Variants in BCAS4 observed in about 807,000 individuals in gnomAD.
BCAS4 encodes the protein breast carcinoma-amplified sequence 4.
A neutral mutation model predicts 15.7 loss-of-function variants in BCAS4; 9 were observed. That is an observed-to-expected ratio of 0.57 (90% CI 0.34 to 1.00). The LOEUF (loss-of-function observed/expected upper bound fraction) is 1.00. BCAS4 is among the 50% of genes least tolerant of loss of function. The pLI is 0.02. For synonymous variants in BCAS4, 101 were observed against 99.5 expected (o/e 1.02, Z -0.09); for missense variants, 225 against 239.1 (o/e 0.94, Z 0.39).
intron 1 of BCAS4, among the ~76,000 whole-genome samples, chr20:50,812,377 C>T (rs1337879095): frequency 8.3e-6 from 1 of 120,954 alleles, no homozygotes; most frequent in Non-Finnish European, 1.7e-5. Context: ...TTGTGATCCG[C>T]CCCCCCTTGG....
rs185569472 is a variant in BCAS4, at chr20:50,828,037, T to A, written c.163-2242T>A. Reference sequence around the variant, plus strand: ...GCCACTGTGCCCGGCCTTCAAAAATTTTTTTTTTTTTTCAAAATATGAGAT... The same window carrying A: ...GCCACTGTGCCCGGCCTTCAAAAATATTTTTTTTTTTTCAAAATATGAGAT... On this transcript the variant is annotated intron_variant, in intron 2 of 4. Transcript: ENST00000371608. Among the ~76,000 whole-genome samples, 758 of 149,658 alleles carry A rather than the reference T, an allele frequency of 5.1e-3. 10 individuals carry two copies. Among genetic ancestry groups the A allele is most frequent in the African/African-American group, 0.017 (689 of 40,772 alleles).
chr20:50,803,998 TA>T (rs1388203344), intron 1 of BCAS4, among the ~76,000 whole-genome samples: 4 of 152,128 alleles, frequency 2.6e-5, no homozygotes, highest in Non-Finnish European at 5.9e-5. Flanking sequence ...AAATGAATTT[TA>T]GGGAGGATCC....
chr20:50,829,970 C>G (rs1485830427), intron 2 of BCAS4, among the ~76,000 whole-genome samples: 1 of 152,178 alleles, frequency 6.6e-6, no homozygotes, highest in African/African-American at 2.4e-5. Context: ...CTGATTCTTT[C>G]CATTCGCTCC....
intron 4 of BCAS4, among the ~76,000 whole-genome samples, chr20:50,863,129 G>A (rs769831538): frequency 1.3e-5 from 2 of 151,432 alleles, no homozygotes; most frequent in African/African-American, 2.4e-5. Flanking sequence ...CATGCCTGGC[G>A]AGGGCTTGTT....
chr20:50,848,080 T>G (rs1244008143), intron 4 of BCAS4, among the ~76,000 whole-genome samples: 1 of 151,326 alleles, frequency 6.6e-6, no homozygotes, highest in Non-Finnish European at 1.5e-5. Context: ...AAAATTCAGT[T>G]AGATGGCTGT....
At chr20:50,813,674 C>CTTTTTTT (rs965295871) in intron 1 of BCAS4, among the ~76,000 whole-genome samples, 50 of 82,384 alleles carry the variant, frequency 6.1e-4, no homozygotes, top group African/African-American at 2.1e-3. Context: ...GGTGGAGGAC[C>CTTTTTTT]TTTTTTTTTT....
rs567080094 is a variant in BCAS4, at chr20:50,851,330, C to A, written c.399+9430C>A. Among the ~76,000 whole-genome samples, 9 of 152,216 alleles carry A rather than the reference C, an allele frequency of 5.9e-5. No homozygotes were observed. Among genetic ancestry groups the A allele is most frequent in the African/African-American group, 1.7e-4 (7 of 41,540 alleles). ...CACGACTGTGGAGGGCCGAGGGGTG[C>A]CGGGTCCCAGCCCCCACCTACCAGC... On this transcript the variant is annotated intron_variant, in intron 4 of 4. Coordinates refer to ENST00000371608, the MANE Select transcript of BCAS4 (RefSeq NM_198799.4). The surrounding 1 kb of genome is among the most constrained non-coding windows in gnomAD (Gnocchi z 4.3).
intron 4 of BCAS4, among the ~76,000 whole-genome samples, chr20:50,848,352 A>G (rs2088572786): frequency 6.6e-6 from 1 of 152,136 alleles, no homozygotes; most frequent in African/African-American, 2.4e-5. Context: ...GAGCTAGATG[A>G]TGAGTAAGTG....
chr20:50,842,300 C>T (rs1044279797), intron 4 of BCAS4, among the ~76,000 whole-genome samples: 62 of 152,160 alleles, frequency 4.1e-4, no homozygotes, highest in African/African-American at 1.5e-3. Context: ...GGAAGGGGGA[C>T]GGGCGTCCCT....
At chr20:50,806,140 T>G (rs2087987084) in intron 1 of BCAS4, among the ~76,000 whole-genome samples, 2 of 151,980 alleles carry the variant, frequency 1.3e-5, no homozygotes, top group African/African-American at 4.8e-5. Flanking sequence ...TCACTGGGAG[T>G]GACCCAGAGA....
chr20:50,842,293 AG>A (rs2088494076), intron 4 of BCAS4, among the ~76,000 whole-genome samples: 3 of 152,166 alleles, frequency 2.0e-5, no homozygotes, highest in Admixed American at 2.0e-4. Context: ...AAGCCGGGGA[AG>A]GGGGACGGGC....
chr20:50,870,522 G>A (rs751660415), intron 4 of BCAS4, among the ~76,000 whole-genome samples: 45 of 152,126 alleles, frequency 3.0e-4, no homozygotes, highest in Non-Finnish European at 4.6e-4. Context: ...GGATTGCCGG[G>A]GCCAACTCTG....
In BCAS4 at chr20:50,840,719, C is replaced by G. The variant is rs192491762; in HGVS notation, c.265-1047C>G. On this transcript the variant is annotated intron_variant, in intron 3 of 4. Coordinates refer to ENST00000371608, the MANE Select transcript of BCAS4 (RefSeq NM_198799.4). ...TTCAGTTTCGACTTATCGAATTTCTCGATCTCAGCCATATCGGATTTGTCA... is the reference window on the plus strand; with the variant it reads ...TTCAGTTTCGACTTATCGAATTTCTGGATCTCAGCCATATCGGATTTGTCA... The G allele has an allele frequency of 3.3e-5, 54 of 1,612,622 alleles. No individual in the cohort carries two copies. In the African/African-American group the frequency reaches 6.0e-4, roughly 18 times the overall value.
intron 4 of BCAS4, among the ~76,000 whole-genome samples, chr20:50,852,625 G>T (rs113228649): frequency 0.014 from 2,070 of 152,246 alleles, 53 homozygotes; most frequent in African/African-American, 0.045. Flanking sequence ...CAAGTGATCC[G>T]CCCATCTTGG....
At chr20:50,840,889 G>A (rs2088471963) in intron 3 of BCAS4, 5 of 698,716 alleles carry the variant, frequency 7.2e-6, no homozygotes, top group Non-Finnish European at 1.0e-5. Flanking sequence ...GACTGCAATG[G>A]CGCGATCTCA....
chr20:50,796,344 G>A (rs1214894305), intron 1 of BCAS4, among the ~76,000 whole-genome samples: 5 of 142,568 alleles, frequency 3.5e-5, no homozygotes, highest in African/African-American at 1.3e-4. Context: ...TTCCAGCCTG[G>A]GCAACAAGAG....
At chr20:50,855,463 A>T (rs546126401) in intron 4 of BCAS4, among the ~76,000 whole-genome samples, 1 of 150,586 alleles carries the variant, frequency 6.6e-6, no homozygotes, top group East Asian at 2.0e-4. Context: ...ACAAACCTTC[A>T]CTGTGCCCCC....
chr20:50,822,213 G>A (rs1311771814), intron 2 of BCAS4, among the ~76,000 whole-genome samples: 2 of 152,162 alleles, frequency 1.3e-5, no homozygotes, highest in African/African-American at 4.8e-5. Context: ...TCGTAGCATG[G>A]CTGTTTGACC....
chr20:50,833,697 G>A (rs935161312), intron 3 of BCAS4, among the ~76,000 whole-genome samples: 1 of 152,324 alleles, frequency 6.6e-6, no homozygotes, highest in South Asian at 2.1e-4. Flanking sequence ...TGGGAGTTAC[G>A]GTGGTGAGGT....
Sources: gnomAD v4.1 joint callset for allele counts (sites outside exome capture counted in the v4.1 genomes callset) on GRCh38, gnomAD v4.1.1 for gene constraint, Gnocchi (gnomAD v3.1) non-coding constraint, MANE v1.5 for transcripts, NCBI Gene and HGNC (gene_info 2026-07-23, HGNC 2026-07-21) for gene names.